The following ABCB5 variants were observed in gnomAD, a reference collection of about 807,000 sequenced individuals.
ABCB5 encodes ATP binding cassette subfamily B member 5.
ABCB5 carries 155 observed loss-of-function variants against 144.2 expected under a neutral mutation model. That is an observed-to-expected ratio of 1.08 (90% CI 0.94 to 1.23). The LOEUF (loss-of-function observed/expected upper bound fraction) is 1.23. ABCB5 is among the 50% of genes most tolerant of loss of function. ABCB5 has a pLI of 0.00. For synonymous variants in ABCB5, 610 were observed against 528.6 expected (o/e 1.15, Z -2.11); for missense variants, 1,830 against 1,520.8 (o/e 1.20, Z -3.38).
At chr7:20,707,326 C>T (rs979694720) in intron 20 of ABCB5, among the ~76,000 whole-genome samples, 1 of 152,150 alleles carries the variant, frequency 6.6e-6, no homozygotes, top group East Asian at 1.9e-4. Context: ...TAAAAACATG[C>T]TAGTGAAATA....
intron 26 of ABCB5, among the ~76,000 whole-genome samples, chr7:20,747,811 T>C (rs1782775490): frequency 2.0e-5 from 3 of 152,120 alleles, no homozygotes; most frequent in Admixed American, 2.0e-4. Flanking sequence ...GGAAACCTGA[T>C]ACCAAAATAA....
intron 13 of ABCB5, among the ~76,000 whole-genome samples, chr7:20,657,284 T>G (rs1011941674): frequency 3.8e-4 from 58 of 152,040 alleles, no homozygotes; most frequent in African/African-American, 1.2e-3. Flanking sequence ...TAATGAATAA[T>G]TTTTTAGCAA....
At chr7:20,658,265 AATGAG>A (rs1471800783) in intron 13 of ABCB5, among the ~76,000 whole-genome samples, 9 of 151,772 alleles carry the variant, frequency 5.9e-5, no homozygotes, top group Admixed American at 2.0e-4. Context: ...ATTTGATTAT[AATGAG>A]GTCTAATTTA....
chr7:20,746,387 C>T lies in ABCB5; in HGVS notation c.3429+949C>T, dbSNP rs950065629. Among the ~76,000 whole-genome samples, 23 of 152,292 alleles carry T rather than the reference C, an allele frequency of 1.5e-4. No individual in the cohort carries two copies. In the East Asian group the frequency reaches 2.7e-3, roughly 18 times the overall value. The stretch of plus-strand genomic sequence containing the variant: ...TGCTGGGATTACAGGCGTGAGCCAT[C>T]GCGCCCGGCAAGTAGCACCTTAACT... On this transcript the variant is annotated intron_variant, in intron 26 of 27. Transcript: ENST00000404938.
In ABCB5 at chr7:20,755,795, A is replaced by G. The variant is rs562623909; in HGVS notation, c.*171A>G. The G allele has an allele frequency of 1.5e-6, 1 of 653,346 alleles. No individual in the cohort carries two copies. Among genetic ancestry groups the G allele is most frequent in the African/African-American group, 1.8e-5 (1 of 54,894 alleles). The allele number at this position is 653,346 out of a possible 1,614,324, so 40.5% of individuals were successfully genotyped here. ...ACCATCTGACCTTCAGATTTTTAAA[A>G]GGAAGCAAAAATTTGCTTATTTCAT... On this transcript the variant is annotated 3_prime_UTR_variant, in exon 28 of 28. Coordinates refer to ENST00000404938, the MANE Select transcript of ABCB5 (RefSeq NM_001163941.2).
chr7:20,707,642 G>C (rs1786862725), intron 20 of ABCB5, among the ~76,000 whole-genome samples: 1 of 152,070 alleles, frequency 6.6e-6, no homozygotes, highest in Non-Finnish European at 1.5e-5. Context: ...ATATACCACA[G>C]ACACATCCAA....
intron 16 of ABCB5, among the ~76,000 whole-genome samples, chr7:20,691,277 C>G (rs966066251): frequency 7.0e-6 from 1 of 143,362 alleles, no homozygotes; most frequent in Non-Finnish European, 1.5e-5. Context: ...CTCCGCCTCC[C>G]GAAACTCAGT....
intron 20 of ABCB5, among the ~76,000 whole-genome samples, chr7:20,711,303 A>G (rs756207179): frequency 1.3e-5 from 2 of 149,268 alleles, no homozygotes; most frequent in Non-Finnish European, 3.0e-5. Context: ...TTCTGCATCC[A>G]GGTCTTTTTT....
At chr7:20,754,384 C>T (rs948152060) in intron 27 of ABCB5, among the ~76,000 whole-genome samples, 1 of 152,196 alleles carries the variant, frequency 6.6e-6, no homozygotes, top group African/African-American at 2.4e-5. Flanking sequence ...CATATCTGGG[C>T]TGTAATCCTT....
chr7:20,681,006 CTTTCTTTCTT>C (rs1329434742), intron 14 of ABCB5, among the ~76,000 whole-genome samples: 1,212 of 8,186 alleles, frequency 0.15, 73 homozygotes, highest in Middle Eastern at 0.5. Flanking sequence ...TTCTTTCTTT[CTTTCTTTCTT>C]TCTTTCTTTC....
Position 20,634,831 on chromosome 7 carries a change from C to A in ABCB5, c.314+2718C>A, listed in dbSNP as rs540469002. 2.6e-5 allele frequency among the ~76,000 whole-genome samples: 4 copies of A among 152,144 alleles called. No individual in the cohort carries two copies. The East Asian group carries it at 7.7e-4, about 29-fold the overall frequency. ...AGTTTTTTGTTGGTTGCATAGTTGG[C>A]AAATATTTTCTCCCATTCTGCAGGT... is the stretch of plus-strand genomic sequence containing the variant. On this transcript the variant is annotated intron_variant, in intron 5 of 27. Coordinates refer to ENST00000404938, the MANE Select transcript of ABCB5 (RefSeq NM_001163941.2).
chr7:20,711,836 CTTTCTTTCTTTTCTTTCT>C (rs1375851482), intron 20 of ABCB5, among the ~76,000 whole-genome samples: 2 of 57,368 alleles, frequency 3.5e-5, no homozygotes, highest in African/African-American at 3.0e-4. Flanking sequence ...TTCTTTCTTT[CTTTCTTTCTTTTCTTTCT>C]TTCTTTCCTT....
chr7:20,707,407 C>T (rs983525850), intron 20 of ABCB5, among the ~76,000 whole-genome samples: 54 of 152,110 alleles, frequency 3.6e-4, no homozygotes, highest in Non-Finnish European at 7.3e-5. Flanking sequence ...TGTTTTAGCC[C>T]AAGGGAATAG....
intron 19 of ABCB5, among the ~76,000 whole-genome samples, chr7:20,701,947 T>C (rs1462588114): frequency 1.3e-5 from 2 of 152,228 alleles, no homozygotes; most frequent in Non-Finnish European, 2.9e-5. Context: ...AAGCCCCTAG[T>C]GTGCAGTTTT....
At chr7:20,655,029 C>T (rs1784727588) in intron 13 of ABCB5, among the ~76,000 whole-genome samples, 1 of 146,952 alleles carries the variant, frequency 6.8e-6, no homozygotes, top group Non-Finnish European at 1.5e-5. Flanking sequence ...AAACCAAAAG[C>T]TGGTTCACTG....
At chr7:20,736,240 A>T (rs989857203) in intron 23 of ABCB5, among the ~76,000 whole-genome samples, 24 of 152,178 alleles carry the variant, frequency 1.6e-4, no homozygotes, top group African/African-American at 5.5e-4. Flanking sequence ...TTTTCTTGAG[A>T]CGGAGTCTCA....
intron 5 of ABCB5, among the ~76,000 whole-genome samples, chr7:20,635,598 T>C (rs1784140475): frequency 6.6e-6 from 1 of 152,120 alleles, no homozygotes; most frequent in South Asian, 2.1e-4. Context: ...TGATGTTTTG[T>C]AGTTTTCCTT....
rs186540853 is a variant in ABCB5 at position 20,709,161 on chromosome 7, C to T, written c.2421+4354C>T. ...CCAAATGGCAGCCTTATATAAGTTA[C>T]GCAGTCTGAACACATTTCTTCCACT... is the stretch of plus-strand genomic sequence containing the variant. On this transcript the variant is annotated intron_variant, in intron 20 of 27. Transcript: ENST00000404938. 9.3e-5 allele frequency among the ~76,000 whole-genome samples: 14 copies of T among 150,968 alleles called. 1 individual carries two copies. The highest frequency in any genetic ancestry group is 2.1e-4 in the South Asian group (1 of 4,750).
At chr7:20,711,192 T>C (rs573757035) in intron 20 of ABCB5, among the ~76,000 whole-genome samples, 1 of 149,920 alleles carries the variant, frequency 6.7e-6, no homozygotes, top group East Asian at 2.0e-4. Context: ...TAAAGAATTT[T>C]AAATAAATAT....
Sources: allele counts gnomAD v4.1 joint callset (sites outside exome capture counted in the v4.1 genomes callset), GRCh38; gene constraint gnomAD v4.1.1; transcripts MANE v1.5; gene names NCBI Gene and HGNC (gene_info 2026-07-23, HGNC 2026-07-21).